GRM5: variants seen among roughly 807,000 people sequenced by gnomAD.
GRM5 encodes metabotropic glutamate receptor 5.
In GRM5, 19 loss-of-function variants were observed where a neutral mutation model predicts 83.1. The ratio of observed to expected loss-of-function variants is 0.23; its 90% confidence interval spans 0.16 to 0.34. The LOEUF is 0.34. Among genes scored for constraint, GRM5 ranks in the 10% least tolerant of loss-of-function variants. The pLI, the probability that GRM5 is intolerant of heterozygous loss-of-function variation, is 1.00. For synonymous variants in GRM5, 675 were observed against 633.6 expected (o/e 1.07, Z -0.98); for missense variants, 1,160 against 1,588.3 (o/e 0.73, Z 4.58).
chr11:88,960,722 G>A (rs1161190186), intron 2 of GRM5, among the ~76,000 whole-genome samples: 1 of 152,090 alleles, frequency 6.6e-6, no homozygotes, highest in African/African-American at 2.4e-5. Flanking sequence ...CATCACTGCT[G>A]GTGACCTAGT....
At chr11:88,966,507 T>A (rs1938967448) in intron 2 of GRM5, among the ~76,000 whole-genome samples, 2 of 152,134 alleles carry the variant, frequency 1.3e-5, no homozygotes, top group Admixed American at 1.3e-4. Context: ...ATAAGGGACA[T>A]CATTACATAC....
At chr11:88,935,611 A>G (rs1041258902) in intron 2 of GRM5, among the ~76,000 whole-genome samples, 1 of 151,850 alleles carries the variant, frequency 6.6e-6, no homozygotes, top group African/African-American at 2.4e-5. Flanking sequence ...GTGATGGTCA[A>G]AAGTCCCTCA....
chr11:88,955,435 G>T (rs1254269221), intron 2 of GRM5, among the ~76,000 whole-genome samples: 1 of 152,118 alleles, frequency 6.6e-6, no homozygotes, highest in Admixed American at 6.5e-5. Flanking sequence ...TGCAAACCAT[G>T]TATGTTAACT....
chr11:88,794,917 G>A (rs1206289664), intron 3 of GRM5, among the ~76,000 whole-genome samples: 1 of 152,226 alleles, frequency 6.6e-6, no homozygotes, highest in Non-Finnish European at 1.5e-5. Flanking sequence ...AGCTATGGCT[G>A]TAAAGCCCAG....
At chr11:88,642,601 C>T (rs1939325483) in intron 4 of GRM5, among the ~76,000 whole-genome samples, 1 of 152,070 alleles carries the variant, frequency 6.6e-6, no homozygotes, top group Non-Finnish European at 1.5e-5. Context: ...TTATTTGCTC[C>T]CACATCTGAG....
chr11:88,825,242 G>C lies in GRM5; in HGVS notation c.911+24664C>G, dbSNP rs550831806. ...CTGGATCCTGAACTTTTTTTTTTTT[G>C]AGTTAAGGTTTGTTATTTTCTTAAG... On this transcript the variant is annotated intron_variant, in intron 3 of 9. Transcript: ENST00000305447. Among the ~76,000 whole-genome samples the C allele has an allele frequency of 4.2e-5, 6 of 143,846 alleles. No homozygotes were observed. In the South Asian group the frequency reaches 1.3e-3, roughly 31 times the overall value. 94.4% of individuals were successfully genotyped at this position (143,846 alleles called of 152,430 possible).
chr11:88,668,354 C>G (rs925920829), intron 3 of GRM5, among the ~76,000 whole-genome samples: 1 of 149,614 alleles, frequency 6.7e-6, no homozygotes, highest in Non-Finnish European at 1.5e-5. Flanking sequence ...GTCTGGCCCA[C>G]CAACTTCACT....
intron 4 of GRM5, among the ~76,000 whole-genome samples, chr11:88,614,012 A>T (rs1262551863): frequency 6.6e-6 from 1 of 152,168 alleles, no homozygotes; most frequent in East Asian, 1.9e-4. Flanking sequence ...GTATTCAGTG[A>T]CAATCTCTGA....
intron 8 of GRM5, among the ~76,000 whole-genome samples, chr11:88,526,372 A>T (rs1364639364): frequency 6.6e-6 from 1 of 152,206 alleles, no homozygotes; most frequent in Non-Finnish European, 1.5e-5. Flanking sequence ...TTAAAAAAGA[A>T]CTGTTATTTC....
At chr11:88,982,528 TA>T (rs1565319755) in intron 2 of GRM5, among the ~76,000 whole-genome samples, 1 of 152,164 alleles carries the variant, frequency 6.6e-6, no homozygotes, top group Non-Finnish European at 1.5e-5. Context: ...AATTTAATAC[TA>T]AATTATTTAT....
chr11:88,819,394 T>C (rs1201413526), intron 3 of GRM5, among the ~76,000 whole-genome samples: 1 of 152,226 alleles, frequency 6.6e-6, no homozygotes, highest in Non-Finnish European at 1.5e-5. Flanking sequence ...TTAATAAACA[T>C]TATTTAAATA....
intron 3 of GRM5, among the ~76,000 whole-genome samples, chr11:88,674,249 T>C (rs2135336506): frequency 6.6e-6 from 1 of 152,016 alleles, no homozygotes; most frequent in South Asian, 2.1e-4. Context: ...GCCACCCTGT[T>C]TTCTTCCTCT....
chr11:88,544,757 C>A (rs1474968011), intron 8 of GRM5, among the ~76,000 whole-genome samples: 1 of 152,186 alleles, frequency 6.6e-6, no homozygotes, highest in African/African-American at 2.4e-5. Flanking sequence ...TGGGCATAAG[C>A]AAGCAAGAAG....
At chr11:88,982,661 A>G (rs1282091167) in intron 2 of GRM5, among the ~76,000 whole-genome samples, 2 of 152,190 alleles carry the variant, frequency 1.3e-5, no homozygotes, top group Admixed American at 6.5e-5. Context: ...CTTTAAAAGT[A>G]TATCTTAAAT....
chr11:88,564,169 A>T (rs906065880), intron 8 of GRM5, among the ~76,000 whole-genome samples: 2 of 152,214 alleles, frequency 1.3e-5, no homozygotes, highest in Non-Finnish European at 2.9e-5. Flanking sequence ...TGTCAGCTAT[A>T]ATCACATAGA....
chr11:88,537,262 G>A (rs959366862), intron 8 of GRM5, among the ~76,000 whole-genome samples: 1 of 112,582 alleles, frequency 8.9e-6, no homozygotes, highest in Non-Finnish European at 1.9e-5. Flanking sequence ...ATGGTCAAGT[G>A]GAATAAATCA....
intron 2 of GRM5, among the ~76,000 whole-genome samples, chr11:88,850,903 C>T (rs1171121635): frequency 6.6e-6 from 1 of 152,044 alleles, no homozygotes; most frequent in Middle Eastern, 3.2e-3. Context: ...TGACAGTCAG[C>T]TATATGCCAG....
chr11:88,827,874 C>T (rs188706752), intron 3 of GRM5, among the ~76,000 whole-genome samples: 5 of 152,208 alleles, frequency 3.3e-5, no homozygotes, highest in African/African-American at 9.6e-5. Context: ...AGCAAATGTG[C>T]TACATGTTAT....
intron 2 of GRM5, among the ~76,000 whole-genome samples, chr11:88,864,052 G>T (rs540845315): frequency 1.3e-5 from 2 of 149,620 alleles, no homozygotes; most frequent in Non-Finnish European, 3.0e-5. Context: ...CTAGGAAAAG[G>T]TCTGTTCATA....
Sources: gnomAD v4.1 joint callset for allele counts (sites outside exome capture counted in the v4.1 genomes callset) on GRCh38, gnomAD v4.1.1 for gene constraint, MANE v1.5 for transcripts, NCBI Gene and HGNC (gene_info 2026-07-23, HGNC 2026-07-21) for gene names.